The following ABLIM2 variants were observed in gnomAD, a reference collection of about 807,000 sequenced individuals.
ABLIM2 encodes the protein actin-binding LIM protein 2.
In ABLIM2, 53 loss-of-function variants were observed where a neutral mutation model predicts 97.7. The observed-to-expected ratio is 0.54, with a 90% confidence interval of 0.44 to 0.68. ABLIM2 has a LOEUF of 0.68. Ranked by LOEUF, ABLIM2 falls within the 30% of genes least tolerant of loss-of-function variation. The pLI, the probability that ABLIM2 is intolerant of heterozygous loss-of-function variation, is 0.00. For synonymous variants in ABLIM2, 361 were observed against 345.8 expected (o/e 1.04, Z -0.49); for missense variants, 835 against 867.2 (o/e 0.96, Z 0.47).
In ABLIM2 at chr4:8,033,276, T is replaced by C. The variant is rs1203901358; in HGVS notation, c.1047+2873A>G. On this transcript the variant is annotated intron_variant, in intron 10 of 20. Coordinates refer to ENST00000447017, the MANE Select transcript of ABLIM2 (RefSeq NM_001130083.2). The surrounding 1 kb of genome is among the most constrained non-coding windows in gnomAD (Gnocchi z 4.5). Reference sequence around the variant, plus strand: ...ACAGCCCTTGTGAGGTGAGCAAGCATTGGGAAAGAGAACGCCGTTCCCACA... The same window carrying C: ...ACAGCCCTTGTGAGGTGAGCAAGCACTGGGAAAGAGAACGCCGTTCCCACA... Among the ~76,000 whole-genome samples the C allele has an allele frequency of 1.3e-5, 2 of 152,112 alleles. No homozygotes were observed. Among genetic ancestry groups the C allele is most frequent in the African/African-American group, 2.4e-5 (1 of 41,422 alleles).
intron 12 of ABLIM2, 179 bp from the exon 13 acceptor site, chr4:8,020,482 A>C (rs892568818): frequency 7.2e-6 from 5 of 691,622 alleles, no homozygotes; most frequent in Non-Finnish European, 1.0e-5. Context: ...GACTGTGTCC[A>C]AGGACTTGCT....
At position 8,040,607 on chromosome 4, in the gene ABLIM2, T is replaced by C. The variant is rs572676642; in HGVS notation, c.901-4312A>G. Among the ~76,000 whole-genome samples the C allele has an allele frequency of 4.9e-5, 6 of 121,390 alleles. No homozygotes were observed. In the East Asian group the frequency reaches 2.1e-3, roughly 42 times the overall value. 79.6% of individuals were successfully genotyped at this position (121,390 alleles called of 152,430 possible). On this transcript the variant is annotated intron_variant, in intron 9 of 20. Transcript: ENST00000447017. The stretch of plus-strand genomic sequence containing the variant: ...GCCTGGGCGACAGAGCGAGACTCCA[T>C]TTCAAAAAAAAAAAAAAGAAAAGAA...
rs532028171 is a variant in ABLIM2, at chr4:8,099,132, A to G, written c.155-1850T>C. On this transcript the variant is annotated intron_variant, in intron 2 of 20. Coordinates refer to ENST00000447017, the MANE Select transcript of ABLIM2 (RefSeq NM_001130083.2). ...TCCATGCTCTGGCTCATGAAAATCC[A>G]GAAGGAAACCTGGGCTGAGGATGAA... Among the ~76,000 whole-genome samples, 459 of 152,350 alleles carry G rather than the reference A, an allele frequency of 3.0e-3. 5 individuals are homozygous for G. The highest frequency in any genetic ancestry group is 0.011 in the African/African-American group (445 of 41,584).
chr4:7,979,351 C>T (rs984321274), intron 20 of ABLIM2, among the ~76,000 whole-genome samples: 1 of 152,246 alleles, frequency 6.6e-6, no homozygotes, highest in Non-Finnish European at 1.5e-5. Flanking sequence ...TGGCTTCTCC[C>T]TCCTGCTCAG....
chr4:8,022,747 G>A lies in ABLIM2; in HGVS notation c.1268-2444C>T, dbSNP rs1774638033. On this transcript the variant is annotated intron_variant, in intron 12 of 20. Transcript: ENST00000447017. This position sits in a 1 kb window ranked among gnomAD's most constrained non-coding sequence, Gnocchi z 7.8. Reference sequence around the variant, plus strand: ...CTGTGAGGCTTCGTTGGAACAAAATGCATCGCCAGCTCCCACCTGGAGCAC... The same window carrying A: ...CTGTGAGGCTTCGTTGGAACAAAATACATCGCCAGCTCCCACCTGGAGCAC... The A allele has an allele frequency of 6.6e-6, 1 of 152,542 alleles. No individual in the cohort carries two copies. The highest frequency in any genetic ancestry group is 1.5e-5 in the Non-Finnish European group (1 of 68,350). 9.4% of individuals were successfully genotyped at this position (152,542 alleles called of 1,614,324 possible). A position where few individuals can be genotyped will look rare whatever the true frequency, so the allele number is the denominator to read the frequency against.
intron 8 of ABLIM2, among the ~76,000 whole-genome samples, chr4:8,051,418 G>T (rs941997873): frequency 6.6e-6 from 1 of 151,582 alleles, no homozygotes; most frequent in African/African-American, 2.4e-5. Flanking sequence ...TTAGCTGGAC[G>T]TGGTGGTGCG....
chr4:8,006,798 G>A (rs1238645078), intron 16 of ABLIM2, among the ~76,000 whole-genome samples: 2 of 152,192 alleles, frequency 1.3e-5, no homozygotes, highest in African/African-American at 2.4e-5. Context: ...TGCCCTGCCT[G>A]CAGATGAGGT....
At chr4:8,047,408 C>T (rs897534738) in intron 8 of ABLIM2, among the ~76,000 whole-genome samples, 2 of 151,798 alleles carry the variant, frequency 1.3e-5, no homozygotes, top group Non-Finnish European at 2.9e-5. Flanking sequence ...TCCTCCTCTT[C>T]CTCCTCTATG....
intron 9 of ABLIM2, among the ~76,000 whole-genome samples, chr4:8,042,088 C>T (rs547878076): frequency 3.9e-5 from 6 of 152,250 alleles, no homozygotes; most frequent in Admixed American, 2.6e-4. Flanking sequence ...CCCCAAAGTA[C>T]GGAGCCACAG....
intron 14 of ABLIM2, among the ~76,000 whole-genome samples, chr4:8,017,182 C>G (rs1769955809): frequency 6.6e-6 from 1 of 152,206 alleles, no homozygotes; most frequent in Non-Finnish European, 1.5e-5. Context: ...TGCGCCGCCT[C>G]CTCCCAGGCC....
At chr4:7,985,495 C>T (rs772677082) in intron 17 of ABLIM2, among the ~76,000 whole-genome samples, 4 of 152,132 alleles carry the variant, frequency 2.6e-5, no homozygotes, top group African/African-American at 4.8e-5. Context: ...CTCAGAGCTA[C>T]GCGGACGCAC....
At chr4:7,977,201 T>G (rs764746890) in intron 20 of ABLIM2, among the ~76,000 whole-genome samples, 4 of 152,204 alleles carry the variant, frequency 2.6e-5, no homozygotes, top group Admixed American at 2.6e-4. Context: ...CCTGCCACCA[T>G]GTAAGATGTG....
In ABLIM2 at chr4:8,005,235, C is replaced by A; in HGVS notation, c.1618+2824G>T. ...TCTCTGCCTCTCTCAGCTCCCTGCA[C>A]GCTTCTCCAGGTCAGGGGCTGCTCT... On this transcript the variant is annotated intron_variant, in intron 16 of 20. Coordinates refer to ENST00000447017, the MANE Select transcript of ABLIM2 (RefSeq NM_001130083.2). This position sits in a 1 kb window ranked among gnomAD's most constrained non-coding sequence, Gnocchi z 4.9. 4.0e-6 allele frequency: 2 copies of A among 498,536 alleles called. No homozygotes were observed. The highest frequency in any genetic ancestry group is 8.4e-6 in the Non-Finnish European group (2 of 238,398). The allele number at this position is 498,536 out of a possible 1,614,324, so 30.9% of individuals were successfully genotyped here.
At chr4:8,126,157 G>A (rs930927356) in intron 1 of ABLIM2, among the ~76,000 whole-genome samples, 29 of 152,142 alleles carry the variant, frequency 1.9e-4, no homozygotes, top group Admixed American at 1.5e-3. Flanking sequence ...AGTGTGAGGC[G>A]CTGAGGGGGG....
chr4:8,020,846 CTTTT>C (rs34799650), intron 12 of ABLIM2: 1,432 of 94,762 alleles, frequency 0.015, 19 homozygotes, highest in African/African-American at 0.049. Context: ...TTACCACATT[CTTTT>C]TTTTTTTTTT....
In ABLIM2 at chr4:8,005,230, C is replaced by T; in HGVS notation, c.1618+2829G>A. On this transcript the variant is annotated intron_variant, in intron 16 of 20. Transcript: ENST00000447017. This position sits in a 1 kb window ranked among gnomAD's most constrained non-coding sequence, Gnocchi z 4.9. ...CGGCGTCTCTGCCTCTCTCAGCTCCCTGCACGCTTCTCCAGGTCAGGGGCT... is the reference window on the plus strand; with the variant it reads ...CGGCGTCTCTGCCTCTCTCAGCTCCTTGCACGCTTCTCCAGGTCAGGGGCT... 2.0e-6 allele frequency: 1 copy of T among 494,244 alleles called. No individual in the cohort carries two copies. Among genetic ancestry groups the T allele is most frequent in the Admixed American group, 2.0e-5 (1 of 50,200 alleles). The allele number at this position is 494,244 out of a possible 1,614,324, so 30.6% of individuals were successfully genotyped here.
intron 11 of ABLIM2, among the ~76,000 whole-genome samples, chr4:8,028,113 G>T (rs1778600564): frequency 6.6e-6 from 1 of 152,238 alleles, no homozygotes; most frequent in Admixed American, 6.5e-5. Context: ...CCCAGGGGGG[G>T]TTAGGCCCCT....
At chr4:8,145,420 G>A (rs544671598) in intron 1 of ABLIM2, among the ~76,000 whole-genome samples, 4 of 152,200 alleles carry the variant, frequency 2.6e-5, no homozygotes, top group South Asian at 2.1e-4. Flanking sequence ...CTGACCTCAG[G>A]TGATCTGCCC....
intron 12 of ABLIM2, among the ~76,000 whole-genome samples, chr4:8,027,325 C>T (rs1240614687): frequency 6.6e-6 from 1 of 152,202 alleles, no homozygotes; most frequent in Non-Finnish European, 1.5e-5. Context: ...GAACCCTGCC[C>T]TGGGCCCCAG....
Sources: gnomAD v4.1 joint callset for allele counts (sites outside exome capture counted in the v4.1 genomes callset) on GRCh38, gnomAD v4.1.1 for gene constraint, Gnocchi (gnomAD v3.1) non-coding constraint, MANE v1.5 for transcripts, NCBI Gene and HGNC (gene_info 2026-07-23, HGNC 2026-07-21) for gene names.